The following DZIP3 variants were observed in gnomAD, a reference collection of about 807,000 sequenced individuals.
The protein encoded by DZIP3 is E3 ubiquitin-protein ligase DZIP3.
A neutral mutation model predicts 162.0 loss-of-function variants in DZIP3; 118 were observed. The observed-to-expected ratio is 0.73, with a 90% CI of 0.63 to 0.85. The LOEUF is 0.85. Among genes scored for constraint, DZIP3 ranks in the 40% least tolerant of loss-of-function variants. The pLI is 0.00. For missense variants in DZIP3, 1,331 were observed against 1,407.0 expected (o/e 0.95, Z 0.86); for synonymous variants, 438 against 458.6 (o/e 0.96, Z 0.57).
At chr3:108,612,778 T>C (rs1940790786) in intron 4 of DZIP3, among the ~76,000 whole-genome samples, 1 of 152,104 alleles carries the variant, frequency 6.6e-6, no homozygotes, top group Non-Finnish European at 1.5e-5. Flanking sequence ...GTATTCTTTC[T>C]ATTTATTTAT....
At chr3:108,625,188 CT>C (rs986914006) in intron 6 of DZIP3, among the ~76,000 whole-genome samples, 4 of 151,880 alleles carry the variant, frequency 2.6e-5, no homozygotes, top group African/African-American at 7.3e-5. Flanking sequence ...GCCATTATGC[CT>C]TTTTCACTGA....
rs1942521209 is a variant in DZIP3, at chr3:108,644,241, A to G, written c.1219A>G (p.Ile407Val). 5 of 1,613,600 alleles carry G rather than the reference A, an allele frequency of 3.1e-6. No homozygotes were observed. The highest frequency in any genetic ancestry group is 4.2e-6 in the Non-Finnish European group (5 of 1,179,874). Reference protein sequence around the residue: ...LHIIIISGTDIVRQIFDEAMP... With the variant: ...LHIIIISGTDVVRQIFDEAMP... ...TATAATTATTATTTCTGGTACTGAC[A>G]TTGTTCGACAAATATTTGATGAGGC... Residue 407 changes from isoleucine (I) to valine (V), a missense_variant, in exon 14 of 33, where the codon ATT (isoleucine) becomes GTT (valine). Physicochemically the swap from Ile to Val is conservative, Grantham distance 29. Coordinates refer to ENST00000361582, the MANE Select transcript of DZIP3 (RefSeq NM_014648.4).
Position 108,677,613 on chromosome 3 carries a change from AT to A in DZIP3, c.2883+19del, listed in dbSNP as rs1477693009. 7 of 1,597,348 alleles carry A rather than the reference AT, an allele frequency of 4.4e-6. No individual in the cohort carries two copies. The highest frequency in any genetic ancestry group is 6.0e-6 in the Non-Finnish European group (7 of 1,165,292). ...CTGAGATACTGGTAAGAAATACAAC[AT>A]TTTGAATAATTGCCCTTTTCATTTT... On this transcript the variant is annotated intron_variant, in intron 26 of 32. Coordinates refer to ENST00000361582, the MANE Select transcript of DZIP3 (RefSeq NM_014648.4).
rs916746855 is a variant in DZIP3, at chr3:108,682,534, C to T, written c.2884-1682C>T. Among the ~76,000 whole-genome samples the T allele has an allele frequency of 4.6e-5, 7 of 150,732 alleles. 1 individual carries two copies. The highest frequency in any genetic ancestry group is 1.0e-4 in the Non-Finnish European group (7 of 68,010). ...CCAGACACAGAAAGACAAATACTACCTGATCCCACGCATGTGGAATCTAAA... is the reference window on the plus strand; with the variant it reads ...CCAGACACAGAAAGACAAATACTACTTGATCCCACGCATGTGGAATCTAAA... On this transcript the variant is annotated intron_variant, in intron 26 of 32. Transcript: ENST00000361582.
intron 15 of DZIP3, 33 bp downstream of exon 15, chr3:108,646,682 AC>A: frequency 7.0e-7 from 1 of 1,436,866 alleles, no homozygotes; most frequent in East Asian, 2.4e-5. Context: ...TGTGTAAATG[AC>A]TTTTTAACAA....
At chr3:108,675,712 G>C (rs976850778) in intron 24 of DZIP3, 74 bp from the exon 25 acceptor site, 2 of 1,316,906 alleles carry the variant, frequency 1.5e-6, no homozygotes, top group Non-Finnish European at 2.1e-6. Flanking sequence ...GCTAGAAAGC[G>C]TGATAGACAT....
At chr3:108,652,525 A>C (rs559713361) in intron 18 of DZIP3, among the ~76,000 whole-genome samples, 109 of 151,986 alleles carry the variant, frequency 7.2e-4, no homozygotes, top group African/African-American at 2.4e-3. Flanking sequence ...GAAGCTAAAA[A>C]ATTCCTATTG....
At chr3:108,642,607 T>C (rs757203775) in intron 13 of DZIP3, 93 bp downstream of exon 13, 15 of 1,288,910 alleles carry the variant, frequency 1.2e-5, no homozygotes, top group Non-Finnish European at 1.3e-5. Flanking sequence ...ACCACGTCTT[T>C]ACTGTGTTTG....
chr3:108,641,592 A>G (rs1942403735), intron 12 of DZIP3, among the ~76,000 whole-genome samples: 1 of 152,214 alleles, frequency 6.6e-6, no homozygotes, highest in African/African-American at 2.4e-5. Context: ...GTGTATATCT[A>G]TAACTTTACT....
chr3:108,610,896 G>A (rs1458648022), intron 3 of DZIP3, among the ~76,000 whole-genome samples: 1 of 152,164 alleles, frequency 6.6e-6, no homozygotes, highest in East Asian at 1.9e-4. Flanking sequence ...TTTTCAAGTT[G>A]CTGTGTGTTT....
intron 5 of DZIP3, 135 bp downstream of exon 5, chr3:108,616,792 G>A (rs2107531009): frequency 1.7e-6 from 1 of 599,808 alleles, no homozygotes; most frequent in Non-Finnish European, 2.9e-6. Flanking sequence ...AAAAGGGTAT[G>A]TATAAATTGA....
Position 108,686,430 on chromosome 3 carries a change from C to G in DZIP3, c.3010-15C>G, listed in dbSNP as rs766195242. 2.6e-6 allele frequency: 4 copies of G among 1,553,056 alleles called. No individual in the cohort carries two copies. The highest frequency in any genetic ancestry group is 2.5e-5 in the South Asian group (2 of 80,958). On this transcript the variant is annotated splice_polypyrimidine_tract_variant and intron_variant, in intron 27 of 32. Transcript: ENST00000361582. ...TAATTAAACCTGCTGGGCTATAGCT[C>G]TCTGCCTCTTACAGATGACTGGCAT...
chr3:108,667,782 A>G (rs1406759351), intron 21 of DZIP3, among the ~76,000 whole-genome samples: 1 of 152,142 alleles, frequency 6.6e-6, no homozygotes, highest in Non-Finnish European at 1.5e-5. Context: ...CTTAGTGGAA[A>G]TTTTGTAGGG....
intron 5 of DZIP3, among the ~76,000 whole-genome samples, chr3:108,620,590 ATC>A (rs1350545817): frequency 1.3e-5 from 2 of 152,150 alleles, no homozygotes; most frequent in East Asian, 1.9e-4. Flanking sequence ...CACCACAAAA[ATC>A]TCTCTTATGA....
intron 26 of DZIP3, among the ~76,000 whole-genome samples, chr3:108,681,102 G>C (rs1944288724): frequency 6.6e-6 from 1 of 152,066 alleles, no homozygotes; most frequent in Non-Finnish European, 1.5e-5. Context: ...TGACAAATGG[G>C]ATCTAACTAA....
At chr3:108,602,075 C>G (rs571273101) in intron 1 of DZIP3, among the ~76,000 whole-genome samples, 2 of 152,168 alleles carry the variant, frequency 1.3e-5, no homozygotes, top group Admixed American at 6.6e-5. Flanking sequence ...AGACTGAACC[C>G]TTGGTATTTT....
At chr3:108,667,867 G>A (rs1943747757) in intron 21 of DZIP3, among the ~76,000 whole-genome samples, 1 of 152,064 alleles carries the variant, frequency 6.6e-6, no homozygotes, top group South Asian at 2.1e-4. Context: ...ACATAGTACT[G>A]AACCTAGGCA....
rs146584369 is a variant in DZIP3 at position 108,611,191 on chromosome 3, C to G, written c.120C>G (p.Asp40Glu). The G allele has an allele frequency of 5.2e-5, 83 of 1,592,950 alleles. No homozygotes were observed. The highest frequency in any genetic ancestry group is 7.0e-5 in the Non-Finnish European group (82 of 1,174,880). The part of the protein sequence containing the change: ...SSGQLNKQEN[D>E]IPTDLVPVNL... ...TCTTCTAGAACAAACAGGAAAATGACATACCTACTGATCTTGTCCCTGTTA... is the reference window on the plus strand; with the variant it reads ...TCTTCTAGAACAAACAGGAAAATGAGATACCTACTGATCTTGTCCCTGTTA... The change falls in exon 4 of 33, where the codon GAC becomes GAG. Residue 40 changes from aspartate (D) to glutamate (E), a missense_variant. By Grantham distance (45) the Asp-to-Glu change is conservative. Coordinates refer to ENST00000361582, the MANE Select transcript of DZIP3 (RefSeq NM_014648.4).
chr3:108,687,985 T>TA lies in DZIP3; in HGVS notation c.3160dup (p.Thr1054AsnfsTer17). The stretch of plus-strand genomic sequence containing the variant: ...CCTTGATCTCTTGCAGAAAGGAACT[T>TA]ACAGATTTCTTACGGAAATTGAAGG... On this transcript the variant is annotated frameshift_variant, in exon 29 of 33. Coordinates refer to ENST00000361582, the MANE Select transcript of DZIP3 (RefSeq NM_014648.4). LOFTEE classifies it high-confidence loss of function. The TA allele has an allele frequency of 1.2e-6, 2 of 1,613,606 alleles. No individual in the cohort carries two copies. The highest frequency in any genetic ancestry group is 1.7e-6 in the Non-Finnish European group (2 of 1,179,778).
Sources: gnomAD v4.1 joint callset for allele counts (sites outside exome capture counted in the v4.1 genomes callset) on GRCh38, gnomAD v4.1.1 for gene constraint, MANE v1.5 for transcripts, NCBI Gene and HGNC (gene_info 2026-07-23, HGNC 2026-07-21) for gene names.